NAV3: variants seen among roughly 807,000 people sequenced by gnomAD.
NAV3 encodes the protein neuron navigator 3, also known as pore membrane and/or filament interacting like protein 1.
In NAV3, 87 loss-of-function variants were observed where a neutral mutation model predicts 244.7. That is an observed-to-expected ratio of 0.36 (90% CI 0.30 to 0.42). The LOEUF (loss-of-function observed/expected upper bound fraction) is 0.42. Ranked by LOEUF, NAV3 falls within the 20% of genes least tolerant of loss-of-function variation. NAV3 has a pLI of 1.00. For synonymous variants in NAV3, 1,126 were observed against 1,042.2 expected (o/e 1.08, Z -1.55); for missense variants, 2,663 against 2,893.3 (o/e 0.92, Z 1.83).
intron 1 of NAV3, among the ~76,000 whole-genome samples, chr12:77,917,290 A>G (rs954632550): frequency 4.6e-5 from 7 of 152,148 alleles, no homozygotes; most frequent in South Asian, 2.1e-4. Context: ...TTATAAAGGT[A>G]TGAATTACCA....
chr12:78,012,278 C>A (rs541831756), intron 8 of NAV3, among the ~76,000 whole-genome samples: 1 of 152,180 alleles, frequency 6.6e-6, no homozygotes, highest in East Asian at 1.9e-4. Context: ...AGCCACAACA[C>A]CACCAATTCT....
rs561372606 is a variant in NAV3, at chr12:78,198,978, A to G, written c.6518+302A>G. 13 of 443,738 alleles carry G rather than the reference A, an allele frequency of 2.9e-5. No individual in the cohort carries two copies. In the East Asian group the frequency reaches 3.5e-4, roughly 12 times the overall value. 27.5% of individuals were successfully genotyped at this position (443,738 alleles called of 1,614,324 possible). On this transcript the variant is annotated intron_variant, in intron 36 of 39. Transcript: ENST00000397909. Reference sequence around the variant, plus strand: ...AAAGTAGATGTTTTTTCTGTTCACTATGTCCCTGGTTAAAGTAGAGCATAT... The same window carrying G: ...AAAGTAGATGTTTTTTCTGTTCACTGTGTCCCTGGTTAAAGTAGAGCATAT...
chr12:77,914,654 C>T (rs371369430), intron 1 of NAV3, among the ~76,000 whole-genome samples: 2 of 151,878 alleles, frequency 1.3e-5, no homozygotes, highest in South Asian at 4.1e-4. Context: ...TATGGAGTGA[C>T]AATACATGTA....
intron 12 of NAV3, among the ~76,000 whole-genome samples, chr12:78,102,004 A>G (rs1954559925): frequency 6.6e-6 from 1 of 152,230 alleles, no homozygotes; most frequent in Non-Finnish European, 1.5e-5. Context: ...ATGTGATAGG[A>G]TCTTTTAAAA....
chr12:77,783,103 C>CT (rs796784947), intron 2 of NAV3, among the ~76,000 whole-genome samples: 166 of 144,944 alleles, frequency 1.1e-3, no homozygotes, highest in Middle Eastern at 3.6e-3. Flanking sequence ...TATATGATTG[C>CT]TTTTTTTTTT....
chr12:77,654,171 G>T (rs1318601008), intron 2 of NAV3, among the ~76,000 whole-genome samples: 1 of 152,206 alleles, frequency 6.6e-6, no homozygotes, highest in African/African-American at 2.4e-5. Context: ...CTCGGGACGT[G>T]CAAGGGGTCA....
intron 22 of NAV3, among the ~76,000 whole-genome samples, chr12:78,156,681 G>A (rs563724810): frequency 3.3e-5 from 5 of 152,008 alleles, no homozygotes; most frequent in Non-Finnish European, 7.4e-5. Context: ...ATTTCATTTA[G>A]TAAGTGCTAA....
At chr12:77,868,032 T>A (rs1880344839) in intron 1 of NAV3, among the ~76,000 whole-genome samples, 1 of 152,196 alleles carries the variant, frequency 6.6e-6, no homozygotes, top group Admixed American at 6.5e-5. Context: ...GGTTCTATTA[T>A]AAACCAAAGT....
intron 1 of NAV3, among the ~76,000 whole-genome samples, chr12:77,846,727 A>G (rs775032641): frequency 6.6e-6 from 1 of 152,182 alleles, no homozygotes; most frequent in Non-Finnish European, 1.5e-5. Context: ...TCTATTTCAG[A>G]TTTAATGGGA....
chr12:77,831,693 G>C lies in NAV3; in HGVS notation c.232G>C (p.Glu78Gln), dbSNP rs753946153. 40 of 1,605,904 alleles carry C rather than the reference G, an allele frequency of 2.5e-5. No individual in the cohort carries two copies. Among genetic ancestry groups the C allele is most frequent in the Non-Finnish European group, 3.3e-5 (39 of 1,177,438 alleles). Residue 78 changes from glutamate to glutamine, a missense_variant, in exon 1 of 40, where the codon GAA (glutamate) becomes CAA (glutamine). This residue lies in a region of NAV3 where 1,521 missense variants were observed against 1,497.0 expected (regional missense o/e 1.02). Transcript: ENST00000397909. ...KPLQGKAKEK[E>Q]DSKIYTDWAN... Reference sequence around the variant, plus strand: ...CCTCCAAGGAAAAGCCAAGGAGAAAGAAGACAGCAAGGTTAGTTGCTGAAG... The same window carrying C: ...CCTCCAAGGAAAAGCCAAGGAGAAACAAGACAGCAAGGTTAGTTGCTGAAG...
rs183890868 is a variant in NAV3, at chr12:77,903,761, T to C, written c.244-36558T>C. On this transcript the variant is annotated intron_variant, in intron 1 of 39. Transcript: ENST00000397909. ...ACCTACTCATCTGACAAAGGGCTAATATCTAGAATCTACAATAAACTCAAA... is the reference window on the plus strand; with the variant it reads ...ACCTACTCATCTGACAAAGGGCTAACATCTAGAATCTACAATAAACTCAAA... 4.6e-3 allele frequency among the ~76,000 whole-genome samples: 701 copies of C among 152,290 alleles called. 4 individuals are homozygous for C. Among genetic ancestry groups the C allele is most frequent in the African/African-American group, 0.016 (663 of 41,560 alleles).
At chr12:77,905,310 G>A (rs1193990013) in intron 1 of NAV3, among the ~76,000 whole-genome samples, 1 of 151,968 alleles carries the variant, frequency 6.6e-6, no homozygotes, top group Non-Finnish European at 1.5e-5. Context: ...TCTTTCCTAT[G>A]CATTCTTTAT....
intron 2 of NAV3, among the ~76,000 whole-genome samples, chr12:77,823,473 A>G (rs1346561821): frequency 6.6e-6 from 1 of 152,226 alleles, no homozygotes; most frequent in Non-Finnish European, 1.5e-5. Flanking sequence ...CACTCACACA[A>G]GGTTGGGAAT....
chr12:77,631,687 A>G (rs1047652115), intron 2 of NAV3, among the ~76,000 whole-genome samples: 1 of 152,212 alleles, frequency 6.6e-6, no homozygotes, highest in Non-Finnish European at 1.5e-5. Flanking sequence ...ACCCCTTCAC[A>G]TGGATTATGT....
intron 18 of NAV3, among the ~76,000 whole-genome samples, chr12:78,129,504 T>C (rs1390290050): frequency 6.6e-6 from 1 of 152,216 alleles, no homozygotes; most frequent in African/African-American, 2.4e-5. Flanking sequence ...GGTTACTTTG[T>C]ATTTAACATC....
chr12:77,907,756 C>T (rs1341475738), intron 1 of NAV3, among the ~76,000 whole-genome samples: 3 of 152,028 alleles, frequency 2.0e-5, no homozygotes, highest in Non-Finnish European at 4.4e-5. Context: ...ACTCCAGTAC[C>T]ATTTTCTAAG....
At chr12:78,031,011 T>C (rs370892402) in intron 9 of NAV3, among the ~76,000 whole-genome samples, 8 of 152,210 alleles carry the variant, frequency 5.3e-5, no homozygotes, top group East Asian at 1.9e-4. Flanking sequence ...TGTTGAACTT[T>C]TATTGCTCAT....
chr12:77,887,529 A>G (rs908368911), intron 1 of NAV3, among the ~76,000 whole-genome samples: 7 of 152,144 alleles, frequency 4.6e-5, no homozygotes, highest in Admixed American at 6.6e-5. Flanking sequence ...CCACTAGATT[A>G]TAAACTACAT....
intron 3 of NAV3, among the ~76,000 whole-genome samples, chr12:77,945,634 A>G (rs185022499): frequency 5.5e-4 from 84 of 152,340 alleles, no homozygotes; most frequent in Non-Finnish European, 2.8e-4. Flanking sequence ...AAGAAAGTAT[A>G]TTAAATAGAA....
Sources: allele counts gnomAD v4.1 joint callset (sites outside exome capture counted in the v4.1 genomes callset), GRCh38; gene constraint gnomAD v4.1.1; regional missense constraint gnomAD v4.1.1; transcripts MANE v1.5; gene names NCBI Gene and HGNC (gene_info 2026-07-23, HGNC 2026-07-21).